The following CACNA2D3 variants were observed in gnomAD, a reference collection of about 807,000 sequenced individuals.
The protein encoded by CACNA2D3 is calcium voltage-gated channel auxiliary subunit alpha2delta 3, also known as voltage-dependent calcium channel subunit alpha-2/delta-3.
In CACNA2D3, 60 loss-of-function variants were observed where a neutral mutation model predicts 160.6. The ratio of observed to expected loss-of-function variants is 0.37; its 90% CI spans 0.30 to 0.46. The LOEUF is 0.46. Ranked by LOEUF, CACNA2D3 falls within the 20% of genes least tolerant of loss-of-function variation. The pLI, the probability that CACNA2D3 is intolerant of heterozygous loss-of-function variation, is 1.00. For missense variants in CACNA2D3, 1,205 were observed against 1,365.0 expected, an observed-to-expected ratio of 0.88 and a Z score of 1.85; for synonymous variants, 558 against 492.9, an observed-to-expected ratio of 1.13 and a Z score of -1.75.
chr3:54,919,497 A>C (rs1412316765), intron 27 of CACNA2D3, among the ~76,000 whole-genome samples: 1 of 152,208 alleles, frequency 6.6e-6, no homozygotes, highest in African/African-American at 2.4e-5. Context: ...AGGCCTCAGA[A>C]CATTTACGGC....
intron 11 of CACNA2D3, among the ~76,000 whole-genome samples, chr3:54,665,890 C>T (rs775031848): frequency 1.3e-5 from 2 of 151,880 alleles, no homozygotes; most frequent in Non-Finnish European, 2.9e-5. Context: ...CAGCCTCAAC[C>T]TCTCAGGTTC....
At chr3:54,925,359 C>T (rs898303039) in intron 27 of CACNA2D3, 18 of 664,176 alleles carry the variant, frequency 2.7e-5, no homozygotes, top group South Asian at 2.3e-4. Flanking sequence ...TGTCACTCAC[C>T]GTCTTTAGTA....
chr3:54,302,353 T>TTTAAGAG (rs938969006), intron 2 of CACNA2D3, among the ~76,000 whole-genome samples: 16 of 152,192 alleles, frequency 1.1e-4, no homozygotes, highest in Admixed American at 9.2e-4. Context: ...GGGGTCTGTA[T>TTTAAGAG]TTAAAATACC....
In CACNA2D3 at chr3:54,626,535, G is replaced by A. The variant is rs1699109402; in HGVS notation, c.964-1252G>A. ...AGACCTTCAACCAGGTGGAGATCAA[G>A]CCCGAGATGATCGACCACTACCTGG... On this transcript the variant is annotated intron_variant, in intron 9 of 37. Coordinates refer to ENST00000474759, the MANE Select transcript of CACNA2D3 (RefSeq NM_018398.3). 3 of 1,606,770 alleles carry A rather than the reference G, an allele frequency of 1.9e-6. No homozygotes were observed. In the South Asian group the frequency reaches 3.3e-5, roughly 18 times the overall value.
chr3:54,222,819 T>C (rs753177115), intron 2 of CACNA2D3, among the ~76,000 whole-genome samples: 7 of 152,232 alleles, frequency 4.6e-5, no homozygotes, highest in Non-Finnish European at 8.8e-5. Context: ...CTGTTTGTGT[T>C]TTTTATTTTA....
chr3:54,379,105 G>A (rs1446150707), intron 3 of CACNA2D3, among the ~76,000 whole-genome samples: 1 of 152,198 alleles, frequency 6.6e-6, no homozygotes, highest in Non-Finnish European at 1.5e-5. Context: ...AGTGAAGGAA[G>A]GGAAGAAAGC....
At chr3:55,058,023 T>C (rs1199256638) in intron 35 of CACNA2D3, among the ~76,000 whole-genome samples, 1 of 152,200 alleles carries the variant, frequency 6.6e-6, no homozygotes, top group Non-Finnish European at 1.5e-5. Context: ...TTTAAAAGTC[T>C]AAAACATTGC....
Position 54,821,725 on chromosome 3 carries a change from CT to C in CACNA2D3, c.1398+4856del, listed in dbSNP as rs1559595034. 5.7e-4 allele frequency among the ~76,000 whole-genome samples: 78 copies of C among 138,040 alleles called. 1 individual carries two copies. In the South Asian group the frequency reaches 9.5e-3, roughly 17 times the overall value. 90.6% of individuals were successfully genotyped at this position (138,040 alleles called of 152,430 possible). On this transcript the variant is annotated intron_variant, in intron 14 of 37. Transcript: ENST00000474759. ...CCTTCCTTCCTTCTTTCCTCTCTCT[CT>C]CTCTCTCTCTTTCTCTCTCTCTCTT... is the stretch of plus-strand genomic sequence containing the variant.
chr3:54,414,239 A>T (rs539962820), intron 4 of CACNA2D3, among the ~76,000 whole-genome samples: 1 of 152,066 alleles, frequency 6.6e-6, no homozygotes, highest in African/African-American at 2.4e-5. Flanking sequence ...ACACAAGGCC[A>T]TCTTCTAGAT....
chr3:54,569,717 CA>C, intron 6 of CACNA2D3, 77 bp from the exon 7 acceptor site: 1 of 1,189,156 alleles, frequency 8.4e-7, no homozygotes, highest in East Asian at 2.5e-5. Flanking sequence ...ATTCAATCAG[CA>C]AAGTAGAGCA....
At chr3:55,072,950 C>T (rs17257088) in intron 35 of CACNA2D3, among the ~76,000 whole-genome samples, 3,540 of 152,242 alleles carry the variant, frequency 0.023, 55 homozygotes, top group Non-Finnish European at 0.035. Flanking sequence ...ACTGGGCAGA[C>T]GTTGTGCAAA....
At chr3:54,763,671 A>G (rs972611313) in intron 12 of CACNA2D3, among the ~76,000 whole-genome samples, 49 of 143,102 alleles carry the variant, frequency 3.4e-4, no homozygotes, top group East Asian at 3.0e-3. Flanking sequence ...GTGTGTGTGT[A>G]TATATGTATA....
intron 3 of CACNA2D3, among the ~76,000 whole-genome samples, chr3:54,344,235 A>T (rs1424460090): frequency 6.6e-6 from 1 of 152,102 alleles, no homozygotes; most frequent in Admixed American, 6.6e-5. Flanking sequence ...GTTCCAGGGC[A>T]CCCTGCAGTT....
intron 3 of CACNA2D3, among the ~76,000 whole-genome samples, chr3:54,373,124 C>T (rs1698954162): frequency 1.3e-5 from 2 of 152,192 alleles, no homozygotes; most frequent in Non-Finnish European, 2.9e-5. Context: ...GATTTTATTT[C>T]TGCACCTGGG....
In CACNA2D3 at chr3:55,039,371, A is replaced by G. The variant is rs146792552; in HGVS notation, c.2987+21054A>G. 4.9e-3 allele frequency among the ~76,000 whole-genome samples: 742 copies of G among 152,304 alleles called. 10 individuals are homozygous for G. Among genetic ancestry groups the G allele is most frequent in the African/African-American group, 0.017 (702 of 41,550 alleles). ...CAGAAAAATTCTGATTTGATGCACA[A>G]ATCTCTTTTTGACCTTTTAATGGTC... On this transcript the variant is annotated intron_variant, in intron 35 of 37. Coordinates refer to ENST00000474759, the MANE Select transcript of CACNA2D3 (RefSeq NM_018398.3).
intron 35 of CACNA2D3, among the ~76,000 whole-genome samples, chr3:55,048,984 C>T (rs888776377): frequency 1.4e-5 from 2 of 145,158 alleles, no homozygotes; most frequent in African/African-American, 5.2e-5. Flanking sequence ...CTATTTGATT[C>T]TTCTCTCTTT....
chr3:54,227,923 A>G (rs529106049), intron 2 of CACNA2D3, among the ~76,000 whole-genome samples: 44 of 152,116 alleles, frequency 2.9e-4, no homozygotes, highest in African/African-American at 5.5e-4. Context: ...TGAGCCACCC[A>G]TGCTCATCTG....
At chr3:54,763,392 C>T (rs148193584) in intron 12 of CACNA2D3, among the ~76,000 whole-genome samples, 43 of 151,976 alleles carry the variant, frequency 2.8e-4, no homozygotes, top group East Asian at 1.2e-3. Context: ...AAAGGGACAA[C>T]GTTGATCAAG....
chr3:54,942,114 A>G (rs1701485203), intron 27 of CACNA2D3, among the ~76,000 whole-genome samples: 2 of 152,232 alleles, frequency 1.3e-5, no homozygotes. Context: ...GAGCCTGGCA[A>G]TCCTTTGTTA....
Sources: gnomAD v4.1 joint callset for allele counts (sites outside exome capture counted in the v4.1 genomes callset) on GRCh38, gnomAD v4.1.1 for gene constraint, MANE v1.5 for transcripts, NCBI Gene and HGNC (gene_info 2026-07-23, HGNC 2026-07-21) for gene names.